The following PLEKHA7 variants were observed in gnomAD, a reference collection of about 807,000 sequenced individuals.
PLEKHA7 encodes pleckstrin homology domain-containing family A member 7.
In PLEKHA7, 104 loss-of-function variants were observed where a neutral mutation model predicts 170.0. That is an observed-to-expected ratio of 0.61 (90% CI 0.52 to 0.72). PLEKHA7 has a LOEUF of 0.72. PLEKHA7 is among the 30% of genes least tolerant of loss of function. The probability of loss-of-function intolerance (pLI) is 0.00; values close to 1 mark genes in which losing one functional copy is unlikely to be tolerated. For synonymous variants in PLEKHA7, 648 were observed against 660.8 expected, an observed-to-expected ratio of 0.98 and a Z score of 0.30; for missense variants, 1,615 against 1,671.7, an observed-to-expected ratio of 0.97 and a Z score of 0.59.
intron 11 of PLEKHA7, 111 bp from the exon 12 acceptor site, chr11:16,816,375 A>G: frequency 1.3e-6 from 1 of 745,274 alleles, no homozygotes; most frequent in Non-Finnish European, 2.4e-6. Flanking sequence ...CTCATCTATG[A>G]AATGAGCACA....
chr11:16,973,108 T>C (rs922071765), intron 3 of PLEKHA7, among the ~76,000 whole-genome samples: 1 of 152,204 alleles, frequency 6.6e-6, no homozygotes, highest in African/African-American at 2.4e-5. Context: ...TGGGCCCATG[T>C]TGGAAAGCAC....
At chr11:16,991,150 G>A (rs952773145) in intron 3 of PLEKHA7, among the ~76,000 whole-genome samples, 2 of 152,118 alleles carry the variant, frequency 1.3e-5, no homozygotes, top group Non-Finnish European at 2.9e-5. Flanking sequence ...CTCTGCCCCC[G>A]AGACTCCCAG....
chr11:16,876,810 G>GTTGCT (rs1855330525), intron 3 of PLEKHA7, among the ~76,000 whole-genome samples: 1 of 152,186 alleles, frequency 6.6e-6, no homozygotes, highest in Non-Finnish European at 1.5e-5. Context: ...TATTTTGATT[G>GTTGCT]TAATATGAGC....
chr11:16,937,198 C>T (rs914782925), intron 3 of PLEKHA7, among the ~76,000 whole-genome samples: 4 of 152,164 alleles, frequency 2.6e-5, no homozygotes, highest in Admixed American at 1.3e-4. Context: ...CCTTGATTTC[C>T]TGGGAAGACA....
chr11:16,916,579 G>T (rs982923250), intron 3 of PLEKHA7, among the ~76,000 whole-genome samples: 5 of 152,202 alleles, frequency 3.3e-5, no homozygotes, highest in African/African-American at 1.2e-4. Flanking sequence ...GCAGTGCCTG[G>T]AACAATCAAC....
intron 9 of PLEKHA7, among the ~76,000 whole-genome samples, chr11:16,833,607 T>C (rs1384467414): frequency 6.6e-6 from 1 of 152,178 alleles, no homozygotes; most frequent in Non-Finnish European, 1.5e-5. Context: ...TGGTTATTGT[T>C]ACCATATGCT....
At chr11:16,999,793 A>G (rs533333407) in intron 3 of PLEKHA7, among the ~76,000 whole-genome samples, 2 of 152,330 alleles carry the variant, frequency 1.3e-5, no homozygotes, top group East Asian at 1.9e-4. Flanking sequence ...TTCTAGAGAC[A>G]GAGAAGCTGA....
intron 3 of PLEKHA7, among the ~76,000 whole-genome samples, chr11:16,959,845 A>G (rs1861935593): frequency 6.6e-6 from 1 of 152,190 alleles, no homozygotes; most frequent in South Asian, 2.1e-4. Flanking sequence ...GGCTCCCCTC[A>G]GCAGCCCTGG....
intron 5 of PLEKHA7, among the ~76,000 whole-genome samples, chr11:16,855,348 C>T (rs1261168675): frequency 3.3e-5 from 5 of 152,208 alleles, no homozygotes; most frequent in African/African-American, 9.7e-5. Flanking sequence ...ATTTACCCCT[C>T]CTATCTGGGT....
intron 10 of PLEKHA7, among the ~76,000 whole-genome samples, chr11:16,823,379 T>C (rs1298538982): frequency 6.6e-6 from 1 of 152,136 alleles, no homozygotes; most frequent in East Asian, 1.9e-4. Flanking sequence ...TCTCTGGCGT[T>C]GGGCCTCAAA....
intron 8 of PLEKHA7, among the ~76,000 whole-genome samples, chr11:16,843,845 G>T (rs1852169300): frequency 6.6e-6 from 1 of 152,188 alleles, no homozygotes; most frequent in African/African-American, 2.4e-5. Flanking sequence ...GCTGAGGCAT[G>T]AAAATTGCTT....
intron 3 of PLEKHA7, among the ~76,000 whole-genome samples, chr11:16,884,354 T>C (rs989655195): frequency 6.6e-6 from 1 of 152,252 alleles, no homozygotes; most frequent in African/African-American, 2.4e-5. Context: ...CAGCTTAGGC[T>C]GGGCACAGTG....
intron 3 of PLEKHA7, among the ~76,000 whole-genome samples, chr11:16,934,353 C>T (rs1045009771): frequency 6.6e-6 from 1 of 152,150 alleles, no homozygotes; most frequent in Non-Finnish European, 1.5e-5. Context: ...AGAATTGACA[C>T]CTCCTTGGCT....
intron 3 of PLEKHA7, among the ~76,000 whole-genome samples, chr11:16,957,622 G>T (rs1861773995): frequency 6.6e-6 from 1 of 151,424 alleles, no homozygotes; most frequent in Non-Finnish European, 1.5e-5. Context: ...CCATGAATGT[G>T]GTGAACACCA....
Position 16,789,775 on chromosome 11 carries a change from A to G in PLEKHA7, c.3156T>C (p.Pro1052=). Reference sequence around the variant, plus strand: ...TCCTCGACAGCTCAAGGCCACTCACAGGGAAGGTCGCCTTGCTGCTTTCGG... The same window carrying G: ...TCCTCGACAGCTCAAGGCCACTCACGGGGAAGGTCGCCTTGCTGCTTTCGG... ...LNAESSKATF[P]RPKSALERLY... The change falls in exon 22 of 27, where the codon CCT becomes CCC. Residue 1052 remains proline, a splice_region_variant and synonymous_variant. Coordinates refer to ENST00000531066, the MANE Select transcript of PLEKHA7 (RefSeq NM_001329630.2). The surrounding 1 kb of genome is among the most constrained non-coding windows in gnomAD (Gnocchi z 4.6). 1 of 1,612,828 alleles carries G rather than the reference A, an allele frequency of 6.2e-7. No homozygotes were observed. The highest frequency in any genetic ancestry group is 8.5e-7 in the Non-Finnish European group (1 of 1,178,912).
chr11:16,932,278 C>CTTT (rs11372688), intron 3 of PLEKHA7, among the ~76,000 whole-genome samples: 12 of 139,476 alleles, frequency 8.6e-5, no homozygotes, highest in Admixed American at 2.9e-4. Flanking sequence ...TTATTCATTC[C>CTTT]TTTTTTTTTT....
chr11:16,809,119 C>T (rs1051982574), intron 13 of PLEKHA7, among the ~76,000 whole-genome samples: 2 of 152,226 alleles, frequency 1.3e-5, no homozygotes, highest in African/African-American at 4.8e-5. Flanking sequence ...CTGGCACCAT[C>T]AAGTAAAATG....
At chr11:16,940,553 G>C (rs543139388) in intron 3 of PLEKHA7, among the ~76,000 whole-genome samples, 122 of 152,216 alleles carry the variant, frequency 8.0e-4, no homozygotes, top group African/African-American at 2.8e-3. Flanking sequence ...CTCCTAAAGT[G>C]CTGGGATTAC....
At chr11:16,995,486 A>G (rs1864286010) in intron 3 of PLEKHA7, among the ~76,000 whole-genome samples, 1 of 151,770 alleles carries the variant, frequency 6.6e-6, no homozygotes, top group African/African-American at 2.4e-5. Flanking sequence ...GTCTTCTGAG[A>G]CTCATCCAGC....
Sources: allele counts gnomAD v4.1 joint callset (sites outside exome capture counted in the v4.1 genomes callset), GRCh38; gene constraint gnomAD v4.1.1; non-coding constraint Gnocchi (gnomAD v3.1); transcripts MANE v1.5; gene names NCBI Gene and HGNC (gene_info 2026-07-23, HGNC 2026-07-21).